MALRD1: variants seen among roughly 807,000 people sequenced by gnomAD.
MALRD1 encodes MAM and LDL-receptor class A domain-containing protein 1.
In MALRD1, 247 loss-of-function variants were observed where a neutral mutation model predicts 242.1. The ratio of observed to expected loss-of-function variants is 1.02; its 90% CI spans 0.92 to 1.13. The LOEUF is 1.13. Ranked by LOEUF, MALRD1 falls within the 50% of genes most tolerant of loss-of-function variation. The pLI, the probability that MALRD1 is intolerant of heterozygous loss-of-function variation, is 0.00. For missense variants in MALRD1, 2,989 were observed against 2,533.1 expected, an observed-to-expected ratio of 1.18 and a Z score of -3.86; for synonymous variants, 995 against 866.6, an observed-to-expected ratio of 1.15 and a Z score of -2.60.
At chr10:19,498,203 T>C (rs1837806769) in intron 30 of MALRD1, among the ~76,000 whole-genome samples, 1 of 152,238 alleles carries the variant, frequency 6.6e-6, no homozygotes, top group South Asian at 2.1e-4. Context: ...ATTAGCATAA[T>C]GTTATGTTTA....
intron 4 of MALRD1, among the ~76,000 whole-genome samples, chr10:19,098,116 C>A (rs773951479): frequency 4.6e-5 from 7 of 152,146 alleles, no homozygotes; most frequent in Non-Finnish European, 7.3e-5. Flanking sequence ...GACTTCTTTT[C>A]GGTAACACTT....
intron 33 of MALRD1, among the ~76,000 whole-genome samples, chr10:19,574,479 G>T (rs1013297751): frequency 1.3e-5 from 2 of 152,138 alleles, no homozygotes; most frequent in Non-Finnish European, 2.9e-5. Context: ...TTCATGTGTG[G>T]GGAAAAGAGA....
chr10:19,491,758 A>C (rs909999411), intron 30 of MALRD1, 113 bp downstream of exon 30: 18 of 1,221,666 alleles, frequency 1.5e-5, no homozygotes. Flanking sequence ...CATGCACTAG[A>C]GTAGATTTAG....
At chr10:19,425,557 T>A (rs541731225) in intron 28 of MALRD1, among the ~76,000 whole-genome samples, 1 of 152,190 alleles carries the variant, frequency 6.6e-6, no homozygotes, top group African/African-American at 2.4e-5. Flanking sequence ...AAGTGTGCAT[T>A]ACAGGGAGGA....
rs1406304388 is a variant in MALRD1, at chr10:19,238,522, A to ATATAATG, written c.2992-19156_2992-19155insGTATAAT. On this transcript the variant is annotated intron_variant, in intron 18 of 39. Transcript: ENST00000454679. ...TAATATAATATATAATGTATATTAT[A>ATATAATG]TATAATATACATTATATATAATATA... 1.1e-4 allele frequency among the ~76,000 whole-genome samples: 10 copies of ATATAATG among 93,962 alleles called. 1 individual carries two copies. The highest frequency in any genetic ancestry group is 4.2e-4 in the African/African-American group (9 of 21,256). The allele number at this position is 93,962 out of a possible 152,430, so 61.6% of individuals were successfully genotyped here.
At position 19,590,677 on chromosome 10, in the gene MALRD1, A is replaced by T. The variant is rs1837729597; in HGVS notation, c.5681-4517A>T. Among the ~76,000 whole-genome samples, 3 of 152,156 alleles carry T rather than the reference A, an allele frequency of 2.0e-5. No individual in the cohort carries two copies. In the South Asian group the frequency reaches 6.2e-4, roughly 32 times the overall value. On this transcript the variant is annotated intron_variant, in intron 33 of 39. Transcript: ENST00000454679. ...CCACCGGTATTTTATTTTATATAGCAAAATTAATACGTGTATATATACATT... is the reference window on the plus strand; with the variant it reads ...CCACCGGTATTTTATTTTATATAGCTAAATTAATACGTGTATATATACATT...
At chr10:19,236,916 C>T (rs1006333444) in intron 18 of MALRD1, among the ~76,000 whole-genome samples, 5 of 151,904 alleles carry the variant, frequency 3.3e-5, no homozygotes, top group African/African-American at 7.2e-5. Context: ...AGTCTTAAGG[C>T]TGAGTCAAGA....
intron 36 of MALRD1, among the ~76,000 whole-genome samples, chr10:19,633,127 G>T (rs1839980279): frequency 6.6e-6 from 1 of 152,124 alleles, no homozygotes; most frequent in African/African-American, 2.4e-5. Flanking sequence ...AGCTATTCTG[G>T]AGGTTGAGGC....
chr10:19,526,642 C>T (rs1007325928), intron 31 of MALRD1, among the ~76,000 whole-genome samples: 3 of 151,882 alleles, frequency 2.0e-5, no homozygotes, highest in Non-Finnish European at 4.4e-5. Context: ...TGTTAAGTGG[C>T]GATATACTTT....
rs550431453 is a variant in MALRD1, at chr10:19,389,295, G to C, written c.4688-157G>C. ...GAAATTGTTCTGTCAGCAAGCTAGA[G>C]GCGAGGCTATTAGATTTTCTTTCTG... On this transcript the variant is annotated intron_variant, in intron 27 of 39. Transcript: ENST00000454679. 7.3e-6 allele frequency: 6 copies of C among 820,022 alleles called. No individual in the cohort carries two copies. In the South Asian group the frequency reaches 8.7e-5, roughly 12 times the overall value. The allele number at this position is 820,022 out of a possible 1,614,324, so 50.8% of individuals were successfully genotyped here.
intron 18 of MALRD1, among the ~76,000 whole-genome samples, chr10:19,213,999 GGTGAGCAT>G (rs1344265428): frequency 3.3e-5 from 5 of 152,122 alleles, no homozygotes; most frequent in Non-Finnish European, 7.4e-5. Context: ...ACTGGACCTT[GGTGAGCAT>G]GTGTACTGTT....
At chr10:19,454,794 T>C (rs545186826) in intron 29 of MALRD1, among the ~76,000 whole-genome samples, 5 of 152,118 alleles carry the variant, frequency 3.3e-5, no homozygotes, top group Non-Finnish European at 5.9e-5. Flanking sequence ...GGTAGTTATC[T>C]ACTTTAGCTG....
At chr10:19,389,679 A>C in intron 28 of MALRD1, 70 bp downstream of exon 28, 1 of 1,435,158 alleles carries the variant, frequency 7.0e-7, no homozygotes, top group Non-Finnish European at 9.4e-7. Flanking sequence ...TTGCTCTGTC[A>C]CTCAGGCTGC....
chr10:19,496,634 A>G (rs891612095), intron 30 of MALRD1, among the ~76,000 whole-genome samples: 2 of 152,160 alleles, frequency 1.3e-5, no homozygotes, highest in Non-Finnish European at 2.9e-5. Flanking sequence ...AACCTCAAAT[A>G]ATCTCAAATT....
chr10:19,406,522 A>G (rs1401564379), intron 28 of MALRD1, among the ~76,000 whole-genome samples: 5 of 152,290 alleles, frequency 3.3e-5, no homozygotes, highest in East Asian at 1.9e-4. Context: ...AGCTTAGAGC[A>G]CAAGCTGTTA....
intron 21 of MALRD1, among the ~76,000 whole-genome samples, chr10:19,285,524 G>T (rs1195779361): frequency 2.0e-5 from 3 of 151,800 alleles, no homozygotes; most frequent in Non-Finnish European, 4.4e-5. Flanking sequence ...TTTCCCCATT[G>T]CTTGTTTTTC....
intron 14 of MALRD1, among the ~76,000 whole-genome samples, chr10:19,202,013 A>G (rs1456173560): frequency 3.9e-5 from 6 of 151,964 alleles, no homozygotes; most frequent in African/African-American, 1.5e-4. Context: ...ACGGGGTTTC[A>G]CCATATTGGC....
At chr10:19,530,401 T>TC (rs1564417274) in intron 31 of MALRD1, among the ~76,000 whole-genome samples, 1 of 34,070 alleles carries the variant, frequency 2.9e-5, no homozygotes, top group Non-Finnish European at 5.7e-5. Flanking sequence ...TATATAAATA[T>TC]TATATATTTA....
chr10:19,273,675 A>C (rs1009326952), intron 19 of MALRD1, among the ~76,000 whole-genome samples: 4 of 152,198 alleles, frequency 2.6e-5, no homozygotes, highest in Non-Finnish European at 5.9e-5. Flanking sequence ...TCTGGAAAAA[A>C]GCAAAACTAT....
Sources: gnomAD v4.1 joint callset for allele counts (sites outside exome capture counted in the v4.1 genomes callset) on GRCh38, gnomAD v4.1.1 for gene constraint, MANE v1.5 for transcripts, NCBI Gene and HGNC (gene_info 2026-07-23, HGNC 2026-07-21) for gene names.